TMEM132C: variants seen among roughly 807,000 people sequenced by gnomAD.
TMEM132C encodes protein phosphatase 1, regulatory subunit 152.
TMEM132C carries 29 observed loss-of-function variants against 61.4 expected under a neutral mutation model. That is an observed-to-expected ratio of 0.47 (90% CI 0.35 to 0.64). The LOEUF (loss-of-function observed/expected upper bound fraction) is 0.64. TMEM132C is among the 30% of genes least tolerant of loss of function. TMEM132C has a pLI of 0.00. For missense variants in TMEM132C, 1,408 were observed against 1,476.9 expected (o/e 0.95, Z 0.76); for synonymous variants, 656 against 633.1 (o/e 1.04, Z -0.54).
At chr12:128,305,997 CTGAT>C (rs1431967764) in intron 1 of TMEM132C, among the ~76,000 whole-genome samples, 1 of 152,116 alleles carries the variant, frequency 6.6e-6, no homozygotes, top group African/African-American at 2.4e-5. Flanking sequence ...TTTAAAATCT[CTGAT>C]TGTGTGCAGT....
chr12:128,327,585 G>A lies in TMEM132C; in HGVS notation c.85+60098G>A, dbSNP rs186653247. 1.7e-3 allele frequency among the ~76,000 whole-genome samples: 253 copies of A among 152,084 alleles called. 1 individual carries two copies. The highest frequency in any genetic ancestry group is 5.4e-3 in the African/African-American group (225 of 41,460). On this transcript the variant is annotated intron_variant, in intron 1 of 8. Coordinates refer to ENST00000435159, the MANE Select transcript of TMEM132C (RefSeq NM_001136103.3). ...TTTTTAGTAGAGACGGGGTTTCACC[G>A]TGTTAGCCAGGATGGTCTCGATCTC...
At chr12:128,527,131 A>G (rs1203349877) in intron 2 of TMEM132C, among the ~76,000 whole-genome samples, 2 of 152,174 alleles carry the variant, frequency 1.3e-5, no homozygotes, top group African/African-American at 4.8e-5. Flanking sequence ...TGCTGTTAAG[A>G]AAGAAATTCA....
intron 1 of TMEM132C, among the ~76,000 whole-genome samples, chr12:128,291,575 T>G (rs1010066158): frequency 1.3e-5 from 2 of 152,176 alleles, no homozygotes; most frequent in African/African-American, 4.8e-5. Flanking sequence ...TGGTTTAGCT[T>G]CCTGTTTTCC....
rs192765497 is a variant in TMEM132C, at chr12:128,503,198, C to G, written c.975-40759C>G. On this transcript the variant is annotated intron_variant, in intron 2 of 8. Transcript: ENST00000435159. Reference sequence around the variant, plus strand: ...TTGTAGACTATCATTGACCTCAATACAGCAGAGTCTGTCACATCTGGAGAT... The same window carrying G: ...TTGTAGACTATCATTGACCTCAATAGAGCAGAGTCTGTCACATCTGGAGAT... Among the ~76,000 whole-genome samples, 8 of 152,360 alleles carry G rather than the reference C, an allele frequency of 5.3e-5. No individual in the cohort carries two copies. In the East Asian group the frequency reaches 1.5e-3, roughly 29 times the overall value.
intron 1 of TMEM132C, among the ~76,000 whole-genome samples, chr12:128,375,453 A>C (rs1321067228): frequency 6.6e-6 from 1 of 152,054 alleles, no homozygotes; most frequent in Non-Finnish European, 1.5e-5. Context: ...GGTCTTTCTT[A>C]GCTTGTGGCT....
In TMEM132C at chr12:128,517,877, T is replaced by G. The variant is rs190778688; in HGVS notation, c.975-26080T>G. Among the ~76,000 whole-genome samples the G allele has an allele frequency of 5.1e-3, 773 of 152,302 alleles. 6 individuals carry two copies. Among genetic ancestry groups the G allele is most frequent in the African/African-American group, 0.018 (751 of 41,568 alleles). ...GCTCTTTCTGCAAATCTTCGTGTAA[T>G]GCCGGGGAGGAAGGCCTCAGACAGA... On this transcript the variant is annotated intron_variant, in intron 2 of 8. Transcript: ENST00000435159.
intron 1 of TMEM132C, among the ~76,000 whole-genome samples, chr12:128,357,263 T>G (rs1873537281): frequency 6.6e-6 from 1 of 152,162 alleles, no homozygotes; most frequent in African/African-American, 2.4e-5. Flanking sequence ...GGCTTAGGTT[T>G]GCAGCCCTTC....
intron 2 of TMEM132C, among the ~76,000 whole-genome samples, chr12:128,454,308 A>T (rs1264008729): frequency 2.0e-5 from 3 of 152,216 alleles, no homozygotes; most frequent in African/African-American, 7.2e-5. Context: ...GGAAAATACT[A>T]CTGGTGGCCT....
chr12:128,529,642 C>T (rs779395423), intron 2 of TMEM132C, among the ~76,000 whole-genome samples: 132 of 152,104 alleles, frequency 8.7e-4, no homozygotes, highest in Non-Finnish European at 1.3e-3. Flanking sequence ...AAAAATTAGC[C>T]GGGCATGATG....
intron 2 of TMEM132C, among the ~76,000 whole-genome samples, chr12:128,540,787 G>A (rs1202878088): frequency 6.6e-6 from 1 of 152,148 alleles, no homozygotes; most frequent in African/African-American, 2.4e-5. Flanking sequence ...TGCAGCAGAT[G>A]TCAGCTAGGT....
rs200571779 is a variant in TMEM132C at position 128,640,469 on chromosome 12, TGGGAG to T, written c.1305+24137_1305+24141del. Among the ~76,000 whole-genome samples, 112 of 152,108 alleles carry T rather than the reference TGGGAG, an allele frequency of 7.4e-4. No homozygotes were observed. The East Asian group carries it at 0.016, about 22-fold the overall frequency. ...AAGGAGCTTAGTGGCCGCCCAGGGC[TGGGAG>T]GGACTGGGGGCAACTCACAACTAAA... On this transcript the variant is annotated intron_variant, in intron 4 of 8. Transcript: ENST00000435159.
intron 2 of TMEM132C, among the ~76,000 whole-genome samples, chr12:128,425,135 C>G (rs1869136101): frequency 6.6e-6 from 1 of 152,188 alleles, no homozygotes; most frequent in Admixed American, 6.5e-5. Context: ...TCAGCATCCC[C>G]CACCATAATC....
In TMEM132C at chr12:128,580,764, G is replaced by A. The variant is rs188619720; in HGVS notation, c.1122-35388G>A. On this transcript the variant is annotated intron_variant, in intron 3 of 8. Transcript: ENST00000435159. ...GAGACTAAACTTACACTGCCCGCTC[G>A]CGCCAGCTTGCTACCCTCAGTGATA... 2.9e-4 allele frequency among the ~76,000 whole-genome samples: 44 copies of A among 152,244 alleles called. No homozygotes were observed. The East Asian group carries it at 3.9e-3, about 13-fold the overall frequency.
chr12:128,471,256 C>T (rs747616454), intron 2 of TMEM132C, among the ~76,000 whole-genome samples: 6 of 152,150 alleles, frequency 3.9e-5, no homozygotes, highest in Non-Finnish European at 8.8e-5. Context: ...GGGGGAAAAT[C>T]GCCCTCAGTG....
chr12:128,306,948 A>G (rs530050160), intron 1 of TMEM132C, among the ~76,000 whole-genome samples: 30 of 152,236 alleles, frequency 2.0e-4, no homozygotes, highest in African/African-American at 6.3e-4. Flanking sequence ...CCTACTAAAG[A>G]GGATATGGAC....
rs181101218 is a variant in TMEM132C, at chr12:128,566,408, A to C, written c.1121+22305A>C. 2.0e-5 allele frequency among the ~76,000 whole-genome samples: 3 copies of C among 152,252 alleles called. No homozygotes were observed. In the East Asian group the frequency reaches 5.8e-4, roughly 29 times the overall value. On this transcript the variant is annotated intron_variant, in intron 3 of 8. Transcript: ENST00000435159. ...CCTAAAGAACCTATTGACTTTTTGG[A>C]CCTGAGAATGTTATTTCTTTGCTCG...
intron 1 of TMEM132C, among the ~76,000 whole-genome samples, chr12:128,374,869 C>T (rs150211425): frequency 0.027 from 3,899 of 145,100 alleles, 84 homozygotes; most frequent in Middle Eastern, 0.056. Flanking sequence ...TGCAGTGAGC[C>T]GAGATTGCGC....
chr12:128,647,995 G>A lies in TMEM132C; in HGVS notation c.1306-21422G>A, dbSNP rs531755087. ...AGTGTGTTTAGCTCAGTCCATCAGC[G>A]TTGGATGAGTGTGTTTACTAGAGTC... On this transcript the variant is annotated intron_variant, in intron 4 of 8. Coordinates refer to ENST00000435159, the MANE Select transcript of TMEM132C (RefSeq NM_001136103.3). 5.7e-4 allele frequency among the ~76,000 whole-genome samples: 79 copies of A among 139,032 alleles called. 7 individuals are homozygous for A. Among genetic ancestry groups the A allele is most frequent in the African/African-American group, 2.1e-3 (72 of 34,928 alleles). 91.2% of individuals were successfully genotyped at this position (139,032 alleles called of 152,430 possible).
At chr12:128,312,932 T>C (rs2135928268) in intron 1 of TMEM132C, among the ~76,000 whole-genome samples, 1 of 152,332 alleles carries the variant, frequency 6.6e-6, no homozygotes, top group African/African-American at 2.4e-5. Flanking sequence ...TCTTGCCTTG[T>C]TTTTGTGTTT....
Sources: allele counts gnomAD v4.1 joint callset (sites outside exome capture counted in the v4.1 genomes callset), GRCh38; gene constraint gnomAD v4.1.1; transcripts MANE v1.5; gene names NCBI Gene and HGNC (gene_info 2026-07-23, HGNC 2026-07-21).